TRPM1: variants seen among roughly 807,000 people sequenced by gnomAD.
TRPM1 encodes TRPM1-203 APA Isoform, Intron 10.
In TRPM1, 113 loss-of-function variants were observed where a neutral mutation model predicts 149.4. The ratio of observed to expected loss-of-function variants is 0.76; its 90% CI spans 0.65 to 0.88. The LOEUF is 0.88. TRPM1 is among the 40% of genes least tolerant of loss of function. The pLI, the probability that TRPM1 is intolerant of heterozygous loss-of-function variation, is 0.00. For missense variants in TRPM1, 1,976 were observed against 2,038.7 expected (o/e 0.97, Z 0.59); for synonymous variants, 741 against 759.5 (o/e 0.98, Z 0.40).
At chr15:31,132,036 A>G (rs990793860) in intron 1 of TRPM1, among the ~76,000 whole-genome samples, 1 of 152,180 alleles carries the variant, frequency 6.6e-6, no homozygotes, top group Non-Finnish European at 1.5e-5. Flanking sequence ...GCCATTAATC[A>G]CATAAAAGCA....
At chr15:31,063,011 G>T in intron 8 of TRPM1, 107 bp downstream of exon 8, 1 of 1,464,556 alleles carries the variant, frequency 6.8e-7, no homozygotes, top group Non-Finnish European at 9.4e-7. Flanking sequence ...AAATCTTCCT[G>T]ATTTAAACAC....
intron 1 of TRPM1, among the ~76,000 whole-genome samples, chr15:31,147,822 G>C (rs750398174): frequency 6.6e-6 from 1 of 152,134 alleles, no homozygotes; most frequent in African/African-American, 2.4e-5. Context: ...GATAACCCTG[G>C]GGATGGAGCT....
intron 3 of TRPM1, among the ~76,000 whole-genome samples, chr15:31,071,999 A>C (rs2034560336): frequency 1.5e-5 from 1 of 66,470 alleles, no homozygotes; most frequent in Non-Finnish European, 3.1e-5. Flanking sequence ...ATATATATAT[A>C]TATATATATA....
upstream of TRPM1, among the ~76,000 whole-genome samples, chr15:31,105,816 G>A (rs138612032): frequency 2.3e-4 from 35 of 152,184 alleles, no homozygotes; most frequent in Admixed American, 6.5e-4. Flanking sequence ...CAGCGAGTTC[G>A]GGGAACACAG....
intron 1 of TRPM1, among the ~76,000 whole-genome samples, chr15:31,113,858 C>T (rs1327176306): frequency 6.6e-6 from 1 of 152,284 alleles, no homozygotes; most frequent in East Asian, 1.9e-4. Flanking sequence ...GACGCTCCCA[C>T]ACGCTGGAAG....
chr15:31,113,436 T>G (rs1484686924), intron 1 of TRPM1, among the ~76,000 whole-genome samples: 1 of 54,406 alleles, frequency 1.8e-5, no homozygotes, highest in Non-Finnish European at 4.6e-5. Context: ...CTGACAGTTT[T>G]TTTTTTTTCA....
chr15:31,082,875 C>T (rs2034899522), intron 1 of TRPM1, among the ~76,000 whole-genome samples: 1 of 151,982 alleles, frequency 6.6e-6, no homozygotes, highest in South Asian at 2.1e-4. Context: ...GAAGTCTTCC[C>T]CTGAAGGGGA....
At chr15:31,133,614 G>A (rs1296817828) in intron 1 of TRPM1, among the ~76,000 whole-genome samples, 31 of 151,852 alleles carry the variant, frequency 2.0e-4, no homozygotes, top group Admixed American at 1.6e-3. Context: ...CCTGGGAGGC[G>A]GAGGTTACAG....
intron 12 of TRPM1, 96 bp downstream of exon 12, chr15:31,050,313 C>A: frequency 6.3e-7 from 1 of 1,584,862 alleles, no homozygotes; most frequent in South Asian, 1.1e-5. Context: ...CTCCTGGGAT[C>A]AGGGCCCTGG....
chr15:31,114,304 A>C (rs1055194969), intron 1 of TRPM1, among the ~76,000 whole-genome samples: 6 of 152,218 alleles, frequency 3.9e-5, no homozygotes, highest in African/African-American at 1.4e-4. Context: ...TTTGCTAAGT[A>C]TAATGCCCTC....
At chr15:31,047,322 G>A in intron 14 of TRPM1, 71 bp from the exon 15 acceptor site, 1 of 1,587,600 alleles carries the variant, frequency 6.3e-7, no homozygotes, top group East Asian at 2.2e-5. Flanking sequence ...CACGTCTAGG[G>A]GGTAAGTGGC....
intron 1 of TRPM1, among the ~76,000 whole-genome samples, chr15:31,119,830 C>A (rs1346935815): frequency 6.6e-6 from 1 of 152,008 alleles, no homozygotes; most frequent in Admixed American, 6.6e-5. Flanking sequence ...ATGTATACTG[C>A]AAACTCTAGA....
intron 22 of TRPM1, 161 bp from the exon 23 acceptor site, chr15:31,031,318 T>C (rs1315921115): frequency 9.7e-6 from 7 of 724,432 alleles, no homozygotes; most frequent in Non-Finnish European, 1.7e-5. Flanking sequence ...GAAGGCTTTT[T>C]CCTACTCCAT....
At chr15:31,063,092 C>T (rs201440065) in intron 8 of TRPM1, 26 bp downstream of exon 8, 49 of 1,613,980 alleles carry the variant, frequency 3.0e-5, no homozygotes, top group Admixed American at 2.7e-4. Flanking sequence ...ACGAACCCGC[C>T]CTTCCTCGCG....
intron 17 of TRPM1, among the ~76,000 whole-genome samples, chr15:31,041,312 GC>G (rs1230929811): frequency 6.6e-6 from 1 of 152,058 alleles, no homozygotes; most frequent in Admixed American, 6.5e-5. Context: ...CCGCCACTAC[GC>G]CGGGCTAAAA....
intron 27 of TRPM1, among the ~76,000 whole-genome samples, chr15:31,016,743 A>G (rs1206720265): frequency 3.9e-5 from 6 of 152,146 alleles, no homozygotes; most frequent in Non-Finnish European, 8.8e-5. Context: ...TTTAAGCTGC[A>G]CTTGATTTAT....
intron 1 of TRPM1, among the ~76,000 whole-genome samples, chr15:31,113,548 A>G (rs1199679493): frequency 6.7e-6 from 1 of 150,106 alleles, no homozygotes; most frequent in Non-Finnish European, 1.5e-5. Context: ...TTGTACTCCT[A>G]AAATGTTTTT....
intron 1 of TRPM1, among the ~76,000 whole-genome samples, chr15:31,093,873 G>A (rs1002005643): frequency 9.9e-5 from 15 of 152,076 alleles, no homozygotes; most frequent in African/African-American, 2.9e-4. Flanking sequence ...AAAGTGCTGG[G>A]ATTACAAACA....
intron 1 of TRPM1, among the ~76,000 whole-genome samples, chr15:31,090,577 C>T (rs1053873956): frequency 1.3e-5 from 2 of 151,500 alleles, no homozygotes; most frequent in Non-Finnish European, 1.5e-5. Context: ...GCAGAGGTTA[C>T]GGTGACCTCA....
Sources: gnomAD v4.1 joint callset for allele counts (sites outside exome capture counted in the v4.1 genomes callset) on GRCh38, gnomAD v4.1.1 for gene constraint, MANE v1.5 for transcripts, NCBI Gene and HGNC (gene_info 2026-07-23, HGNC 2026-07-21) for gene names.